Variants in DNMBP observed in about 807,000 individuals in gnomAD.
DNMBP encodes dynamin-binding protein.
Under a neutral mutation model 150.0 loss-of-function variants are expected in DNMBP, and 87 were observed. That is an observed-to-expected ratio of 0.58 (90% CI 0.49 to 0.69). DNMBP has a LOEUF of 0.69. Ranked by LOEUF, DNMBP falls within the 30% of genes least tolerant of loss-of-function variation. The probability of loss-of-function intolerance (pLI) is 0.00; values close to 1 mark genes in which losing one functional copy is unlikely to be tolerated. For synonymous variants in DNMBP, 711 were observed against 750.4 expected (o/e 0.95, Z 0.86); for missense variants, 1,774 against 1,949.0 (o/e 0.91, Z 1.69).
chr10:99,970,449 C>T (rs371324887), intron 2 of DNMBP, among the ~76,000 whole-genome samples: 4 of 152,052 alleles, frequency 2.6e-5, no homozygotes, highest in African/African-American at 9.7e-5. Flanking sequence ...TGGTAGGTAC[C>T]ATGTAGGGTA....
chr10:99,966,823 C>T (rs1414381167), intron 3 of DNMBP, among the ~76,000 whole-genome samples: 2 of 152,122 alleles, frequency 1.3e-5, no homozygotes, highest in African/African-American at 2.4e-5. Context: ...TTCTGTTGCC[C>T]AAGCTGGAGT....
chr10:99,884,999 C>T (rs530120881), intron 14 of DNMBP, among the ~76,000 whole-genome samples: 3 of 152,238 alleles, frequency 2.0e-5, no homozygotes, highest in Non-Finnish European at 2.9e-5. Context: ...ATCAGCAGTC[C>T]TCTAGCTGGT....
intron 12 of DNMBP, among the ~76,000 whole-genome samples, chr10:99,887,039 G>A (rs2039477852): frequency 1.3e-5 from 2 of 152,028 alleles, no homozygotes; most frequent in African/African-American, 4.8e-5. Context: ...ATAAATCTGA[G>A]GTGGAATAAC....
chr10:99,958,951 C>T (rs925610190), intron 3 of DNMBP, among the ~76,000 whole-genome samples: 1 of 152,176 alleles, frequency 6.6e-6, no homozygotes, highest in Admixed American at 6.5e-5. Flanking sequence ...TGAATATTTG[C>T]AATTATTTGA....
At chr10:99,908,828 A>G in intron 5 of DNMBP, 125 bp downstream of exon 5, 1 of 865,458 alleles carries the variant, frequency 1.2e-6, no homozygotes, top group Non-Finnish European at 1.8e-6. Flanking sequence ...TAAGAGCAGC[A>G]GCACTCACAG....
chr10:99,928,923 C>T (rs1268736044), intron 4 of DNMBP, among the ~76,000 whole-genome samples: 1 of 151,988 alleles, frequency 6.6e-6, no homozygotes, highest in Non-Finnish European at 1.5e-5. Context: ...GTGGGTGGTT[C>T]GCTCAAGCCC....
chr10:99,897,152 T>C (rs946755250), intron 9 of DNMBP, among the ~76,000 whole-genome samples: 3 of 152,206 alleles, frequency 2.0e-5, no homozygotes, highest in African/African-American at 7.2e-5. Context: ...TATCTTGATA[T>C]GAATAATAAA....
rs55898100 is a variant in DNMBP at position 99,981,896 on chromosome 10, T to C, written c.-10-9762A>G. On this transcript the variant is annotated intron_variant, in intron 1 of 16. Coordinates refer to ENST00000324109, the MANE Select transcript of DNMBP (RefSeq NM_015221.4). ...TCTATTAAACACCACAGCTACCATA[T>C]GAAGACCTCCTCAAAACAGCTTTCT... Among the ~76,000 whole-genome samples, 107 of 152,322 alleles carry C rather than the reference T, an allele frequency of 7.0e-4. 1 individual carries two copies. The highest frequency in any genetic ancestry group is 2.5e-3 in the African/African-American group (105 of 41,572).
chr10:99,983,796 A>G (rs1156779030), intron 1 of DNMBP, among the ~76,000 whole-genome samples: 1 of 152,188 alleles, frequency 6.6e-6, no homozygotes. Flanking sequence ...GCTGTCCTAT[A>G]CCGTCTGAAA....
At chr10:100,004,222 G>A (rs957595045) in intron 1 of DNMBP, among the ~76,000 whole-genome samples, 1 of 151,518 alleles carries the variant, frequency 6.6e-6, no homozygotes, top group East Asian at 1.9e-4. Flanking sequence ...TCCAGCCTGG[G>A]TAACAGAGTG....
chr10:99,896,570 G>A (rs1215785272), intron 9 of DNMBP, 173 bp from the exon 10 acceptor site: 1 of 633,384 alleles, frequency 1.6e-6, no homozygotes, highest in Middle Eastern at 3.2e-4. Context: ...GCACAGCAGA[G>A]AGACAATGGG....
intron 3 of DNMBP, among the ~76,000 whole-genome samples, chr10:99,964,130 T>G (rs1332441019): frequency 6.8e-6 from 1 of 146,942 alleles, no homozygotes; most frequent in Non-Finnish European, 1.5e-5. Context: ...TGTCCTATTC[T>G]CTCTCTTTTT....
At chr10:99,897,197 A>C (rs2039668356) in intron 9 of DNMBP, among the ~76,000 whole-genome samples, 1 of 152,188 alleles carries the variant, frequency 6.6e-6, no homozygotes, top group Non-Finnish European at 1.5e-5. Context: ...ATATATACTC[A>C]CTGAATGCTC....
rs185344215 is a variant in DNMBP, at chr10:99,910,988, C to T, written c.2261-1842G>A. ...AGTGTGGTGGCTCATGCCTATAATC[C>T]CAGCACTTTGGGAGGCCGAGGTGGG... On this transcript the variant is annotated intron_variant, in intron 4 of 16. Transcript: ENST00000324109. 1.2e-3 allele frequency among the ~76,000 whole-genome samples: 177 copies of T among 152,260 alleles called. 1 individual carries two copies. Among genetic ancestry groups the T allele is most frequent in the African/African-American group, 4.2e-3 (173 of 41,550 alleles).
chr10:99,962,645 AC>A (rs1382311463), intron 3 of DNMBP, among the ~76,000 whole-genome samples: 1 of 152,134 alleles, frequency 6.6e-6, no homozygotes, highest in African/African-American at 2.4e-5. Context: ...AAAAAAACAA[AC>A]AAAAAACCAC....
chr10:99,964,874 G>GAAA (rs757761293), intron 3 of DNMBP, among the ~76,000 whole-genome samples: 1 of 134,882 alleles, frequency 7.4e-6, no homozygotes, highest in East Asian at 2.1e-4. Context: ...CCAGCCCAAG[G>GAAA]AAAAAAAAAA....
At position 99,883,567 on chromosome 10, in the gene DNMBP, C is replaced by T. The variant is rs572183681; in HGVS notation, c.3997+444G>A. 7.9e-5 allele frequency among the ~76,000 whole-genome samples: 11 copies of T among 139,706 alleles called. No homozygotes were observed. The East Asian group carries it at 1.5e-3, about 19-fold the overall frequency. The allele number at this position is 139,706 out of a possible 152,430, so 91.7% of individuals were successfully genotyped here. A position where few individuals can be genotyped will look rare whatever the true frequency, so the allele number is the denominator to read the frequency against. On this transcript the variant is annotated intron_variant, in intron 15 of 16. Coordinates refer to ENST00000324109, the MANE Select transcript of DNMBP (RefSeq NM_015221.4). ...AGTCCCAGCTAGGACAGGAGGATCC[C>T]TTGAACCCAGGAGTAATAAGCTATG...
Position 99,930,864 on chromosome 10 carries a change from T to C in DNMBP, c.2261-21718A>G. ...TAGCCTAAGGCTGGATTTGTCCTGC[T>C]TAAAATGTCTCCCAACCATTCCAGA... On this transcript the variant is annotated intron_variant, in intron 4 of 16. Coordinates refer to ENST00000324109, the MANE Select transcript of DNMBP (RefSeq NM_015221.4). The C allele has an allele frequency of 5.1e-6, 3 of 584,260 alleles. No homozygotes were observed. The South Asian group carries it at 6.6e-5, about 13-fold the overall frequency. The allele number at this position is 584,260 out of a possible 1,614,324, so 36.2% of individuals were successfully genotyped here. A position where few individuals can be genotyped will look rare whatever the true frequency, so the allele number is the denominator to read the frequency against.
chr10:99,969,507 T>C lies in DNMBP; in HGVS notation c.146-270A>G, dbSNP rs141508191. Among the ~76,000 whole-genome samples, 22 of 152,340 alleles carry C rather than the reference T, an allele frequency of 1.4e-4. No homozygotes were observed. The East Asian group carries it at 4.2e-3, about 29-fold the overall frequency. On this transcript the variant is annotated intron_variant, in intron 2 of 16. Transcript: ENST00000324109. ...TGCAGAGGAAAACATAAGACAGTTT[T>C]GGTTTTCAAAGATCTAAAAACCTAG...
Sources: allele counts gnomAD v4.1 joint callset (sites outside exome capture counted in the v4.1 genomes callset), GRCh38; gene constraint gnomAD v4.1.1; transcripts MANE v1.5; gene names NCBI Gene and HGNC (gene_info 2026-07-23, HGNC 2026-07-21).